Variants in MDN1 observed in about 807,000 individuals in gnomAD.
The protein encoded by MDN1 is midasin.
MDN1 carries 266 observed loss-of-function variants against 669.2 expected under a neutral mutation model. That is an observed-to-expected ratio of 0.40 (90% CI 0.36 to 0.44). The LOEUF (loss-of-function observed/expected upper bound fraction) is 0.44. Ranked by LOEUF, MDN1 falls within the 20% of genes least tolerant of loss-of-function variation. The pLI is 1.00. For synonymous variants in MDN1, 2,385 were observed against 2,457.1 expected, an observed-to-expected ratio of 0.97 and a Z score of 0.87; for missense variants, 5,940 against 6,754.0, an observed-to-expected ratio of 0.88 and a Z score of 4.22.
intron 96 of MDN1, 85 bp from the exon 97 acceptor site, chr6:89,650,283 C>A: frequency 7.9e-7 from 1 of 1,264,998 alleles, no homozygotes; most frequent in South Asian, 1.4e-5. Context: ...ACAATAATAC[C>A]TTAAAACCAA....
chr6:89,793,734 G>A (rs1337958585), intron 5 of MDN1, 28 bp downstream of exon 5: 35 of 1,585,222 alleles, frequency 2.2e-5, no homozygotes, highest in Non-Finnish European at 2.9e-5. Flanking sequence ...GGGGGAAGGG[G>A]ACACACCCCC....
intron 23 of MDN1, 164 bp downstream of exon 23, chr6:89,751,267 G>T: frequency 1.2e-6 from 1 of 856,848 alleles, no homozygotes; most frequent in Non-Finnish European, 1.7e-6. Flanking sequence ...TAGAAACAAA[G>T]TTTTCTACCA....
chr6:89,665,453 A>G (rs1199206567), intron 84 of MDN1, among the ~76,000 whole-genome samples: 2 of 152,176 alleles, frequency 1.3e-5, no homozygotes, highest in Non-Finnish European at 2.9e-5. Context: ...TCATGCCTGT[A>G]ATCCCAGCAC....
chr6:89,797,961 A>T, intron 2 of MDN1: 1 of 167,912 alleles, frequency 6.0e-6, no homozygotes, highest in South Asian at 1.4e-4. Context: ...CAAGTGGATC[A>T]CGAGGTCAGG....
At chr6:89,656,199 A>G (rs1211157492) in intron 91 of MDN1, among the ~76,000 whole-genome samples, 1 of 152,154 alleles carries the variant, frequency 6.6e-6, no homozygotes, top group Admixed American at 6.5e-5. Flanking sequence ...ACTTTCACAC[A>G]TCCATATATG....
At position 89,727,410 on chromosome 6, in the gene MDN1, C is replaced by A. The variant is rs188703430; in HGVS notation, c.5472+423G>T. 3.2e-3 allele frequency among the ~76,000 whole-genome samples: 494 copies of A among 152,302 alleles called. 2 individuals carry two copies. The highest frequency in any genetic ancestry group is 0.011 in the African/African-American group (459 of 41,560). On this transcript the variant is annotated intron_variant, in intron 37 of 101. Transcript: ENST00000369393. ...TCTTTCTTCTGATGAATAATTTACC[C>A]CATATGCACACATAACGGATCGTTT...
At chr6:89,717,329 T>A (rs971351866) in intron 43 of MDN1, among the ~76,000 whole-genome samples, 3 of 152,218 alleles carry the variant, frequency 2.0e-5, no homozygotes. Context: ...CACAAGGTAA[T>A]ACACATTGGA....
chr6:89,780,076 A>G, intron 11 of MDN1, 136 bp downstream of exon 11: 1 of 551,462 alleles, frequency 1.8e-6, no homozygotes, highest in Non-Finnish European at 3.1e-6. Context: ...CTCAAAAAAA[A>G]AAAACAAAAA....
At position 89,693,045 on chromosome 6, in the gene MDN1, C is replaced by T. The variant is rs761262813; in HGVS notation, c.9985G>A (p.Glu3329Lys). 2 of 1,614,166 alleles carry T rather than the reference C, an allele frequency of 1.2e-6. No individual in the cohort carries two copies. Among genetic ancestry groups the T allele is most frequent in the Non-Finnish European group, 1.7e-6 (2 of 1,180,026 alleles). ...QLPAYESLVQ[E>K]IHHYVTSIAK... Reference sequence around the variant, plus strand: ...ATGCTGGTGACGTAGTGGTGGATCTCCTGAACCAGGGACTCGTAGGCAGGC... The same window carrying T: ...ATGCTGGTGACGTAGTGGTGGATCTTCTGAACCAGGGACTCGTAGGCAGGC... The change falls in exon 63 of 102, where the codon GAG becomes AAG. Residue 3329 changes from glutamate to lysine, a missense_variant. This residue lies in a region of MDN1 where 150 missense variants were observed against 234.2 expected (regional missense o/e 0.64). Coordinates refer to ENST00000369393, the MANE Select transcript of MDN1 (RefSeq NM_014611.3).
rs1208048128 is a variant in MDN1, at chr6:89,774,664, C to T, written c.1891G>A (p.Val631Met). The part of the protein sequence containing the change: ...INELDLQVGR[V>M]RLLRKQSEAV... ...TCACTTTGTTTCCGTAGAAGCCGCA[C>T]TCGACCCACTTGCAAATCTAGCTCA... The change falls in exon 13 of 102, where the codon GTG becomes ATG. Residue 631 changes from valine (V) to methionine (M), a missense_variant. By Grantham distance (21) the Val-to-Met change is conservative. This residue lies in a region of MDN1 where 1,203 missense variants were observed against 1,268.9 expected (regional missense o/e 0.95). Coordinates refer to ENST00000369393, the MANE Select transcript of MDN1 (RefSeq NM_014611.3). The T allele has an allele frequency of 6.8e-6, 11 of 1,613,674 alleles. No homozygotes were observed. Among genetic ancestry groups the T allele is most frequent in the Non-Finnish European group, 9.3e-6 (11 of 1,179,750 alleles).
At position 89,678,695 on chromosome 6, in the gene MDN1, A is replaced by T; in HGVS notation, c.12316T>A (p.Ser4106Thr). 1 of 1,614,112 alleles carries T rather than the reference A, an allele frequency of 6.2e-7. No homozygotes were observed. The highest frequency in any genetic ancestry group is 8.5e-7 in the Non-Finnish European group (1 of 1,179,990). The change falls in exon 75 of 102, where the codon TCT becomes ACT. Residue 4106 changes from serine (S) to threonine (T), a missense_variant. Ser to Thr is a moderately conservative substitution (Grantham distance 58). Transcript: ENST00000369393. ...SELQSLKVEP[S>T]AEKEKQRSEA... The stretch of plus-strand genomic sequence containing the variant: ...GACCGCTGCTTCTCCTTCTCTGCAG[A>T]GGGTTCCACCTTTAAGCTCTGCAGC...
intron 79 of MDN1, 90 bp downstream of exon 79, chr6:89,674,014 G>A: frequency 7.6e-7 from 1 of 1,312,934 alleles, no homozygotes; most frequent in South Asian, 1.3e-5. Flanking sequence ...GCTGCTTTCT[G>A]TTCACACCCT....
chr6:89,678,375 C>T (rs182290123), intron 75 of MDN1, among the ~76,000 whole-genome samples: 27 of 151,996 alleles, frequency 1.8e-4, no homozygotes, highest in Admixed American at 5.2e-4. Flanking sequence ...ATATAGATTC[C>T]GAGAAACCTC....
At chr6:89,684,011 C>G in intron 71 of MDN1, 107 bp from the exon 72 acceptor site, 2 of 826,344 alleles carry the variant, frequency 2.4e-6, no homozygotes, top group South Asian at 3.0e-5. Flanking sequence ...ATCCCAAACA[C>G]AGGACTGTGT....
chr6:89,702,178 A>G, intron 53 of MDN1, 117 bp from the exon 54 acceptor site: 1 of 937,462 alleles, frequency 1.1e-6, no homozygotes, highest in Non-Finnish European at 1.5e-6. Context: ...GACACACAAC[A>G]TAGGCTATAA....
At chr6:89,726,482 G>GAAAAAAA (rs201576721) in intron 37 of MDN1, among the ~76,000 whole-genome samples, 1 of 90,950 alleles carries the variant, frequency 1.1e-5, no homozygotes, top group African/African-American at 4.1e-5. Context: ...AAGAAAAATA[G>GAAAAAAA]AAAAAAAAAA....
intron 65 of MDN1, among the ~76,000 whole-genome samples, chr6:89,689,416 G>T (rs1167324041): frequency 1.3e-5 from 2 of 152,080 alleles, no homozygotes; most frequent in Non-Finnish European, 2.9e-5. Context: ...CTACTTCTAT[G>T]AAATAATGCC....
chr6:89,714,393 G>A, intron 46 of MDN1, 150 bp downstream of exon 46: 2 of 702,706 alleles, frequency 2.8e-6, no homozygotes, highest in Non-Finnish European at 4.5e-6. Context: ...CAATCTCTTG[G>A]GGTGTCTGGA....
Position 89,693,747 on chromosome 6 carries a change from C to A in MDN1, c.9881+327G>T, listed in dbSNP as rs1812535376. ...CCCAGGAATTTTGGATAAGGGATCC[C>A]CAACCCGTACCATATTTCCTAGTAA... On this transcript the variant is annotated intron_variant, in intron 62 of 101. Coordinates refer to ENST00000369393, the MANE Select transcript of MDN1 (RefSeq NM_014611.3). Among the ~76,000 whole-genome samples the A allele has an allele frequency of 2.0e-5, 3 of 152,138 alleles. No homozygotes were observed. In the South Asian group the frequency reaches 6.2e-4, roughly 32 times the overall value.
Sources: allele counts gnomAD v4.1 joint callset (sites outside exome capture counted in the v4.1 genomes callset), GRCh38; gene constraint gnomAD v4.1.1; regional missense constraint gnomAD v4.1.1; transcripts MANE v1.5; gene names NCBI Gene and HGNC (gene_info 2026-07-23, HGNC 2026-07-21).